The following CFAP44 variants were observed in gnomAD, a reference collection of about 807,000 sequenced individuals.
CFAP44 encodes the protein cilia- and flagella-associated protein 44.
CFAP44 carries 134 observed loss-of-function variants against 216.2 expected under a neutral mutation model. The observed-to-expected ratio is 0.62, with a 90% CI of 0.54 to 0.72. The LOEUF (loss-of-function observed/expected upper bound fraction) is 0.72. CFAP44 is among the 30% of genes least tolerant of loss of function. The probability of loss-of-function intolerance (pLI) is 0.00; values close to 1 mark genes in which losing one functional copy is unlikely to be tolerated. For synonymous variants in CFAP44, 700 were observed against 727.6 expected (o/e 0.96, Z 0.61); for missense variants, 2,035 against 2,182.1 (o/e 0.93, Z 1.34).
intron 28 of CFAP44, among the ~76,000 whole-genome samples, chr3:113,320,411 C>T (rs1174472978): frequency 8.4e-6 from 1 of 118,738 alleles, no homozygotes; most frequent in African/African-American, 3.4e-5. Context: ...CAGATATATA[C>T]ATGATATATA....
chr3:113,393,175 A>G (rs1264133094), intron 15 of CFAP44, among the ~76,000 whole-genome samples: 1 of 152,244 alleles, frequency 6.6e-6, no homozygotes, highest in Non-Finnish European at 1.5e-5. Flanking sequence ...TTGGACAATT[A>G]AAGTCTGTAG....
intron 34 of CFAP44, among the ~76,000 whole-genome samples, chr3:113,293,411 C>A (rs981898622): frequency 1.3e-5 from 2 of 150,662 alleles, no homozygotes; most frequent in African/African-American, 5.0e-5. Context: ...TTACTCAGCT[C>A]CTCTGAGCTT....
chr3:113,366,226 G>T lies in CFAP44; in HGVS notation c.2528C>A (p.Thr843Asn). The T allele has an allele frequency of 1.2e-6, 2 of 1,613,882 alleles. No homozygotes were observed. Among genetic ancestry groups the T allele is most frequent in the Non-Finnish European group, 1.7e-6 (2 of 1,179,924 alleles). ...YVLNQNDPSL[T>N]SLVDYWHFNM... is the part of the protein sequence containing the mutation. ...GAAGTGCCAGTAGTCCACCAAACTG[G>T]TCAATGAAGGATCATTTTGATTTAG... The change falls in exon 19 of 35, where the codon ACC (threonine) becomes AAC (asparagine). Residue 843 changes from threonine to asparagine, a missense_variant. Transcript: ENST00000393845.
intron 1 of CFAP44, among the ~76,000 whole-genome samples, chr3:113,438,182 A>G (rs1056030573): frequency 1.3e-5 from 2 of 152,208 alleles, no homozygotes; most frequent in Admixed American, 6.5e-5. Context: ...TGTTTTTACT[A>G]TACTCCTAGA....
chr3:113,407,512 GT>G (rs1355064838), intron 7 of CFAP44, among the ~76,000 whole-genome samples: 1 of 152,096 alleles, frequency 6.6e-6, no homozygotes, highest in Non-Finnish European at 1.5e-5. Context: ...AGACATAAAA[GT>G]TTTCCAAAGA....
Position 113,296,734 on chromosome 3 carries a change from C to T in CFAP44, c.5229G>A (p.Lys1743=). ...CCCTTCTCTTCCTTACCTCCCACAT[C>T]TTCATCTCTTTCGCATTTGCTAGCT... The part of the protein sequence containing the change: ...RKELANAKEM[K]MWEEKIAQMR... Residue 1743 remains lysine (K), a synonymous_variant, in exon 33 of 35, where the codon AAG becomes AAA. Coordinates refer to ENST00000393845, the MANE Select transcript of CFAP44 (RefSeq NM_001164496.2). 1.1e-5 allele frequency: 17 copies of T among 1,537,536 alleles called. No homozygotes were observed. The highest frequency in any genetic ancestry group is 1.5e-5 in the Non-Finnish European group (17 of 1,146,744).
chr3:113,348,899 C>T (rs1950415116), intron 22 of CFAP44, among the ~76,000 whole-genome samples: 1 of 152,088 alleles, frequency 6.6e-6, no homozygotes, highest in African/African-American at 2.4e-5. Context: ...TAGATCAAAC[C>T]CTGGCCTTTA....
At chr3:113,412,401 CTCTTT>C (rs1325445473) in intron 6 of CFAP44, among the ~76,000 whole-genome samples, 1 of 146,176 alleles carries the variant, frequency 6.8e-6, no homozygotes, top group Non-Finnish European at 1.5e-5. Flanking sequence ...TTAAATATAT[CTCTTT>C]TATTTCTTCT....
rs1385835729 is a variant in CFAP44, at chr3:113,358,840, C to T, written c.2970G>A (p.Met990Ile). The change falls in exon 22 of 35, where the codon ATG (methionine) becomes ATA (isoleucine). Residue 990 changes from methionine (M) to isoleucine (I), a missense_variant. By Grantham distance (10) the Met-to-Ile change is conservative. Around this residue, in one of 3 missense-constraint regions of CFAP44, gnomAD observed 1,883 missense variants for 2,023.7 expected, o/e 0.93. Coordinates refer to ENST00000393845, the MANE Select transcript of CFAP44 (RefSeq NM_001164496.2). ...FDVDSQIRAE[M>I]HRKTAFKIQQ... Reference sequence around the variant, plus strand: ...GAATTTTGAAAGCTGTTTTTCTGTGCATCTCAGCACGGATTTGGGAATCTA... The same window carrying T: ...GAATTTTGAAAGCTGTTTTTCTGTGTATCTCAGCACGGATTTGGGAATCTA... 1.3e-6 allele frequency: 2 copies of T among 1,536,698 alleles called. No individual in the cohort carries two copies. The highest frequency in any genetic ancestry group is 3.9e-5 in the Admixed American group (2 of 50,978).
chr3:113,408,025 TAGC>T (rs1356131487), intron 7 of CFAP44, among the ~76,000 whole-genome samples: 2 of 152,206 alleles, frequency 1.3e-5, no homozygotes, highest in African/African-American at 4.8e-5. Context: ...CACATATAGC[TAGC>T]AGAAGGTTAT....
chr3:113,398,330 A>G (rs16860899), intron 13 of CFAP44, among the ~76,000 whole-genome samples: 26,406 of 152,144 alleles, frequency 0.17, 3,030 homozygotes, highest in East Asian at 0.42. Flanking sequence ...TTGAAGGTAG[A>G]TTCATGGAGG....
intron 7 of CFAP44, 103 bp from the exon 8 acceptor site, chr3:113,407,144 T>C (rs7619717): frequency 0.034 from 27,455 of 809,344 alleles, 687 homozygotes; most frequent in African/African-American, 0.09. Context: ...ATATATTATT[T>C]CATTCATTCA....
At chr3:113,371,876 T>G (rs1933178056) in intron 18 of CFAP44, among the ~76,000 whole-genome samples, 1 of 151,774 alleles carries the variant, frequency 6.6e-6, no homozygotes. Flanking sequence ...TAAACAAATT[T>G]ACAGGAAAAA....
rs1366566330 is a variant in CFAP44 at position 113,312,214 on chromosome 3, G to C, written c.4517-3946C>G. Among the ~76,000 whole-genome samples, 3 of 150,970 alleles carry C rather than the reference G, an allele frequency of 2.0e-5. No homozygotes were observed. In the East Asian group the frequency reaches 5.8e-4, roughly 29 times the overall value. On this transcript the variant is annotated intron_variant, in intron 28 of 34. Coordinates refer to ENST00000393845, the MANE Select transcript of CFAP44 (RefSeq NM_001164496.2). ...AGCCTCCCAAGTAGCTGGGACTACAGGTGCCCGCCACCATGCCTGGCTAAT... is the reference window on the plus strand; with the variant it reads ...AGCCTCCCAAGTAGCTGGGACTACACGTGCCCGCCACCATGCCTGGCTAAT...
chr3:113,355,463 T>C (rs1397541477), intron 22 of CFAP44, among the ~76,000 whole-genome samples: 2 of 152,142 alleles, frequency 1.3e-5, no homozygotes, highest in African/African-American at 2.4e-5. Flanking sequence ...GAGGTTGCAG[T>C]GAGCCGTGAT....
In CFAP44 at chr3:113,419,359, C is replaced by G. The variant is rs530001610; in HGVS notation, c.570+658G>C. On this transcript the variant is annotated intron_variant, in intron 5 of 34. Transcript: ENST00000393845. ...ATGGATTTTAAACTCTGAATTCATACAGGTCATGAGTTCTTCTTCATTTAA... is the reference window on the plus strand; with the variant it reads ...ATGGATTTTAAACTCTGAATTCATAGAGGTCATGAGTTCTTCTTCATTTAA... 7.2e-4 allele frequency among the ~76,000 whole-genome samples: 110 copies of G among 152,214 alleles called. 4 individuals are homozygous for G. In the South Asian group the frequency reaches 0.021, roughly 29 times the overall value.
At chr3:113,406,719 T>C (rs1934293347) in intron 8 of CFAP44, among the ~76,000 whole-genome samples, 1 of 151,380 alleles carries the variant, frequency 6.6e-6, no homozygotes, top group African/African-American at 2.4e-5. Flanking sequence ...AAAAAGAAAA[T>C]AGAAAATGGT....
intron 15 of CFAP44, among the ~76,000 whole-genome samples, chr3:113,382,058 C>G (rs1303790400): frequency 6.6e-6 from 1 of 152,094 alleles, no homozygotes; most frequent in Admixed American, 6.6e-5. Flanking sequence ...AAGGGAAACA[C>G]CATGTGCAAA....
At chr3:113,407,507 T>C (rs887286288) in intron 7 of CFAP44, among the ~76,000 whole-genome samples, 1 of 152,178 alleles carries the variant, frequency 6.6e-6, no homozygotes, top group South Asian at 2.1e-4. Flanking sequence ...TTAGAAGACA[T>C]AAAAGTTTTC....
Sources: gnomAD v4.1 joint callset for allele counts (sites outside exome capture counted in the v4.1 genomes callset) on GRCh38, gnomAD v4.1.1 for gene constraint, gnomAD v4.1.1 regional missense constraint, MANE v1.5 for transcripts, NCBI Gene and HGNC (gene_info 2026-07-23, HGNC 2026-07-21) for gene names.